EXOC7: variants seen among roughly 807,000 people sequenced by gnomAD.
EXOC7 encodes the protein exocyst complex component 7, also known as exocyst complex component Exo70.
Under a neutral mutation model 87.6 loss-of-function variants are expected in EXOC7, and 51 were observed. The ratio of observed to expected loss-of-function variants is 0.58; its 90% confidence interval spans 0.46 to 0.73. The LOEUF (loss-of-function observed/expected upper bound fraction) is 0.73. EXOC7 is among the 30% of genes least tolerant of loss of function. The pLI, the probability that EXOC7 is intolerant of heterozygous loss-of-function variation, is 0.00. For synonymous variants in EXOC7, 327 were observed against 357.1 expected, an observed-to-expected ratio of 0.92 and a Z score of 0.95; for missense variants, 744 against 888.4, an observed-to-expected ratio of 0.84 and a Z score of 2.07.
In EXOC7 at chr17:76,085,657, C is replaced by T. The variant is rs2067180396; in HGVS notation, c.1616+20G>A. On this transcript the variant is annotated intron_variant, in intron 14 of 18. Transcript: ENST00000589210. ...GAGGGGAAGGTGAGAGCCGCAGACT[C>T]ACTCCCGCAGGCCACTTACTTCTCC... 2 of 1,613,988 alleles carry T rather than the reference C, an allele frequency of 1.2e-6. No individual in the cohort carries two copies. The highest frequency in any genetic ancestry group is 1.3e-5 in the African/African-American group (1 of 75,060).
In EXOC7 at chr17:76,081,973, GGCCAAGAGCGGCCCCA is replaced by G. The variant is rs766411667; in HGVS notation, c.*1659_*1674del. 1.3e-5 allele frequency: 21 copies of G among 1,612,370 alleles called. No homozygotes were observed. Among genetic ancestry groups the G allele is most frequent in the Non-Finnish European group, 1.7e-5 (20 of 1,179,760 alleles). On this transcript the variant is annotated 3_prime_UTR_variant, in exon 19 of 19. Transcript: ENST00000589210. ...GGCTGCTGGCCCGGGGCAACCTTGG[GGCCAAGAGCGGCCCCA>G]GCCCAGCCCCGAGAGGGGAACAGCG...
Position 76,081,556 on chromosome 17 carries a change from G to A in EXOC7, c.*2092C>T, listed in dbSNP as rs146836718. 9.9e-6 allele frequency: 16 copies of A among 1,613,540 alleles called. No individual in the cohort carries two copies. In the African/African-American group the frequency reaches 2.0e-4, roughly 20 times the overall value. On this transcript the variant is annotated 3_prime_UTR_variant, in exon 19 of 19. Transcript: ENST00000589210. ...TTTTCCCCTTCCAGCTGAGGCTGAA[G>A]AACACGGCGCTCAAGTCCATCATCG... is the stretch of plus-strand genomic sequence containing the variant.
chr17:76,082,006 G>C lies in EXOC7; in HGVS notation c.*1642C>G, dbSNP rs751514593. ...GCGGCCCCAGCCCAGCCCCGAGAGG[G>C]GAACAGCGAGAGCACGGCAACCCAG... On this transcript the variant is annotated 3_prime_UTR_variant, in exon 19 of 19. Transcript: ENST00000589210. 6.2e-6 allele frequency: 10 copies of C among 1,611,582 alleles called. No individual in the cohort carries two copies. The South Asian group carries it at 1.1e-4, about 18-fold the overall frequency.
At position 76,084,238 on chromosome 17, in the gene EXOC7, C is replaced by A. The variant is rs373649719; in HGVS notation, c.1818+10G>T. The A allele has an allele frequency of 1.1e-4, 171 of 1,611,264 alleles. No homozygotes were observed. Among genetic ancestry groups the A allele is most frequent in the Non-Finnish European group, 1.3e-4 (150 of 1,178,276 alleles). ...CAGCAAGCAGTGGAGGGGAGAGGAC[C>A]CCGACTCACCTTAAAACGCTCCTTG... On this transcript the variant is annotated intron_variant, in intron 17 of 18. Coordinates refer to ENST00000589210, the MANE Select transcript of EXOC7 (RefSeq NM_001013839.4).
chr17:76,082,325 T>A lies in EXOC7; in HGVS notation c.*1323A>T. ...TTCTTCAACTGAAGATGGCCTGAAA[T>A]GGGCCAGACCCAAATTTTCATCAGC... On this transcript the variant is annotated 3_prime_UTR_variant, in exon 19 of 19. Coordinates refer to ENST00000589210, the MANE Select transcript of EXOC7 (RefSeq NM_001013839.4). 1 of 962,118 alleles carries A rather than the reference T, an allele frequency of 1.0e-6. No homozygotes were observed. Among genetic ancestry groups the A allele is most frequent in the Non-Finnish European group, 1.5e-6 (1 of 659,914 alleles). The allele number at this position is 962,118 out of a possible 1,614,324, so 59.6% of individuals were successfully genotyped here.
intron 7 of EXOC7, 85 bp from the exon 8 acceptor site, chr17:76,089,405 G>C: frequency 6.5e-7 from 1 of 1,537,098 alleles, no homozygotes. Context: ...CCAGCTCCTG[G>C]CCTGTACCCC....
intron 8 of EXOC7, 95 bp downstream of exon 8, chr17:76,089,080 G>C: frequency 6.4e-7 from 1 of 1,567,142 alleles, no homozygotes; most frequent in South Asian, 1.1e-5. Context: ...CCCAGGGCAC[G>C]AGGTGGTGGT....
intron 6 of EXOC7, chr17:76,092,740 C>T (rs886587433): frequency 1.3e-5 from 2 of 152,166 alleles, no homozygotes; most frequent in Non-Finnish European, 1.5e-5. Flanking sequence ...AGGTGCACGC[C>T]GGCAGGATGT....
intron 11 of EXOC7, 89 bp downstream of exon 11, chr17:76,087,971 G>A (rs2067289122): frequency 6.8e-7 from 1 of 1,478,306 alleles, no homozygotes. Context: ...GCCAGGCTGA[G>A]TCCCTTCCAC....
chr17:76,096,961 G>A (rs893625044), intron 5 of EXOC7, among the ~76,000 whole-genome samples: 2 of 151,698 alleles, frequency 1.3e-5, no homozygotes, highest in Admixed American at 6.6e-5. Flanking sequence ...GTCATTCCCC[G>A]CCACCTCAGC....
intron 12 of EXOC7, 153 bp downstream of exon 12, chr17:76,087,501 C>T: frequency 1.4e-6 from 1 of 706,672 alleles, no homozygotes; most frequent in South Asian, 1.9e-5. Context: ...AAACCTTGCT[C>T]TCCTGATGCT....
Position 76,081,778 on chromosome 17 carries a change from G to A in EXOC7, c.*1870C>T, listed in dbSNP as rs2066989339. 1 of 1,613,796 alleles carries A rather than the reference G, an allele frequency of 6.2e-7. No homozygotes were observed. Among genetic ancestry groups the A allele is most frequent in the Non-Finnish European group, 8.5e-7 (1 of 1,179,852 alleles). ...TCAGTAAGCCCTGCTCCCTTACCCA[G>A]TCTGCCCTGTTTCTCCCCGGTCACC... On this transcript the variant is annotated 3_prime_UTR_variant, in exon 19 of 19. Transcript: ENST00000589210.
chr17:76,088,285 C>T, intron 10 of EXOC7, 163 bp from the exon 11 acceptor site: 1 of 946,660 alleles, frequency 1.1e-6, no homozygotes, highest in Non-Finnish European at 1.6e-6. Context: ...CTTCCCACTT[C>T]AGAGGGCTTG....
At chr17:76,085,950 G>A (rs185255857) in intron 13 of EXOC7, 130 bp downstream of exon 13, 2 of 1,509,980 alleles carry the variant, frequency 1.3e-6, no homozygotes, top group Non-Finnish European at 1.8e-6. Flanking sequence ...TAGAGGTCAG[G>A]TTGTGGTTCC....
At chr17:76,091,107 G>A (rs1350856015) in intron 7 of EXOC7, 36 bp downstream of exon 7, 1 of 1,566,662 alleles carries the variant, frequency 6.4e-7, no homozygotes, top group South Asian at 1.1e-5. Flanking sequence ...ACACAGTGGA[G>A]GAGGAAGGGA....
At chr17:76,101,099 TA>T in intron 4 of EXOC7, 171 bp downstream of exon 4, 3 of 1,226,742 alleles carry the variant, frequency 2.4e-6, no homozygotes, top group Non-Finnish European at 3.1e-6. Flanking sequence ...TTTTTAATAA[TA>T]AAAAATGTGC....
In EXOC7 at chr17:76,082,306, A is replaced by G; in HGVS notation, c.*1342T>C. Reference sequence around the variant, plus strand: ...GCACAGCCTAAGAGGGTGTTTCTTCAACTGAAGATGGCCTGAAATGGGCCA... The same window carrying G: ...GCACAGCCTAAGAGGGTGTTTCTTCGACTGAAGATGGCCTGAAATGGGCCA... On this transcript the variant is annotated 3_prime_UTR_variant, in exon 19 of 19. Transcript: ENST00000589210. 1 of 842,808 alleles carries G rather than the reference A, an allele frequency of 1.2e-6. No homozygotes were observed. Among genetic ancestry groups the G allele is most frequent in the East Asian group, 2.7e-5 (1 of 37,288 alleles). 52.2% of individuals were successfully genotyped at this position (842,808 alleles called of 1,614,324 possible). A position where few individuals can be genotyped will look rare whatever the true frequency, so the allele number is the denominator to read the frequency against.
At chr17:76,102,726 A>T (rs2068133034) in intron 2 of EXOC7, among the ~76,000 whole-genome samples, 1 of 152,220 alleles carries the variant, frequency 6.6e-6, no homozygotes, top group African/African-American at 2.4e-5. Flanking sequence ...CTCCCCTAGG[A>T]ATAAAGAAGG....
intron 7 of EXOC7, 92 bp from the exon 8 acceptor site, chr17:76,089,412 C>A: frequency 6.7e-7 from 1 of 1,498,040 alleles, no homozygotes; most frequent in Non-Finnish European, 9.1e-7. Flanking sequence ...CTGGCCTGTA[C>A]CCCACACTGG....
Sources: gnomAD v4.1 joint callset for allele counts (sites outside exome capture counted in the v4.1 genomes callset) on GRCh38, gnomAD v4.1.1 for gene constraint, MANE v1.5 for transcripts, NCBI Gene and HGNC (gene_info 2026-07-23, HGNC 2026-07-21) for gene names.